BAZ2B: variants seen among roughly 807,000 people sequenced by gnomAD.
BAZ2B encodes the protein bromodomain adjacent to zinc finger domain 2B.
Under a neutral mutation model 246.0 loss-of-function variants are expected in BAZ2B, and 91 were observed. That is an observed-to-expected ratio of 0.37 (90% CI 0.31 to 0.44). The LOEUF (loss-of-function observed/expected upper bound fraction) is 0.44, where lower values mean the gene tolerates loss of function less well. Among genes scored for constraint, BAZ2B ranks in the 20% least tolerant of loss-of-function variants. The pLI is 1.00. For missense variants in BAZ2B, 2,332 were observed against 2,533.7 expected, an observed-to-expected ratio of 0.92 and a Z score of 1.71; for synonymous variants, 855 against 860.0, an observed-to-expected ratio of 0.99 and a Z score of 0.10.
chr2:159,359,690 G>A (rs561928891), intron 27 of BAZ2B, among the ~76,000 whole-genome samples: 148 of 152,204 alleles, frequency 9.7e-4, no homozygotes, highest in Non-Finnish European at 1.8e-3. Flanking sequence ...GATGAACATC[G>A]ATGCGAAAAT....
chr2:159,631,248 T>G, the BAZ2B span, among the ~76,000 whole-genome samples: 5 of 152,326 alleles, frequency 3.3e-5, no homozygotes, highest in African/African-American at 9.6e-5. Context: ...TTGGTGTTTT[T>G]GGGAAATTAA....
At chr2:159,564,762 G>A (rs947805162) in intron 1 of BAZ2B, among the ~76,000 whole-genome samples, 4 of 152,142 alleles carry the variant, frequency 2.6e-5, no homozygotes, top group African/African-American at 9.7e-5. Context: ...TCTTGACAAA[G>A]TTAAGTACTC....
At position 159,374,764 on chromosome 2, in the gene BAZ2B, G is replaced by C. The variant is rs1281401896; in HGVS notation, c.4006-11C>G. The C allele has an allele frequency of 1.9e-6, 3 of 1,605,726 alleles. No individual in the cohort carries two copies. In the African/African-American group the frequency reaches 4.0e-5, roughly 22 times the overall value. On this transcript the variant is annotated splice_polypyrimidine_tract_variant and intron_variant, in intron 25 of 36. Coordinates refer to ENST00000392783, the MANE Select transcript of BAZ2B (RefSeq NM_013450.4). ...TTGGTCACCTTCATCCTATACATAA[G>C]AAAATACAGTGTCATTTATCTGTTT... is the stretch of plus-strand genomic sequence containing the variant.
intron 1 of BAZ2B, among the ~76,000 whole-genome samples, chr2:159,587,204 G>C (rs958239009): frequency 5.3e-5 from 8 of 151,600 alleles, no homozygotes; most frequent in African/African-American, 1.9e-4. Flanking sequence ...TCAGCCTCCT[G>C]AGTAGCTGGG....
At chr2:159,423,040 G>T (rs2069063349) in intron 13 of BAZ2B, among the ~76,000 whole-genome samples, 1 of 152,110 alleles carries the variant, frequency 6.6e-6, no homozygotes, top group Non-Finnish European at 1.5e-5. Flanking sequence ...TGTTGGCCGG[G>T]TGTGGTGGCT....
At chr2:159,385,427 A>G (rs957509956) in intron 22 of BAZ2B, 58 bp from the exon 23 acceptor site, 1 of 1,410,604 alleles carries the variant, frequency 7.1e-7, no homozygotes, top group Non-Finnish European at 9.9e-7. Flanking sequence ...CCATAAAAAC[A>G]ATAAGATTAA....
chr2:159,462,023 T>C (rs1244901236), intron 3 of BAZ2B: 1 of 185,482 alleles, frequency 5.4e-6, no homozygotes, highest in African/African-American at 2.4e-5. Flanking sequence ...TCAGAAGTGC[T>C]TGGAAGGATA....
At chr2:159,586,368 C>T (rs921609010) in intron 1 of BAZ2B, among the ~76,000 whole-genome samples, 1 of 151,124 alleles carries the variant, frequency 6.6e-6, no homozygotes, top group Admixed American at 6.6e-5. Flanking sequence ...TAGATACAAA[C>T]CTGCTGAACA....
the BAZ2B span, among the ~76,000 whole-genome samples, chr2:159,656,347 A>G: frequency 6.6e-6 from 1 of 152,126 alleles, no homozygotes; most frequent in East Asian, 1.9e-4. Context: ...TATTAACTAA[A>G]GTTACAGATT....
chr2:159,509,243 C>CA (rs1423275525), intron 2 of BAZ2B, among the ~76,000 whole-genome samples: 1 of 151,880 alleles, frequency 6.6e-6, no homozygotes, highest in African/African-American at 2.4e-5. Context: ...TATTATAATG[C>CA]AAAAAAGGCA....
chr2:159,653,455 A>G, the BAZ2B span, among the ~76,000 whole-genome samples: 4 of 59,602 alleles, frequency 6.7e-5, no homozygotes, highest in African/African-American at 2.4e-4. Flanking sequence ...AATTCTTTCA[A>G]TAGAATATAT....
intron 26 of BAZ2B, among the ~76,000 whole-genome samples, chr2:159,373,423 GATAAA>G (rs891603479): frequency 5.9e-5 from 9 of 152,190 alleles, no homozygotes; most frequent in African/African-American, 1.7e-4. Flanking sequence ...TAAGCTACCT[GATAAA>G]ATAAAACTTA....
chr2:159,382,622 A>C lies in BAZ2B; in HGVS notation c.3942T>G (p.Asp1314Glu). ...CTTCTTTATCTTCTTCATCCTCATC[A>C]TCTTCATCCCCTTGGTCATCACTGT... is the stretch of plus-strand genomic sequence containing the variant. The part of the protein sequence containing the change: ...DDDSDDQGDE[D>E]DEDEEDKEDK... The change falls in exon 25 of 37, where the codon GAT becomes GAG. Residue 1314 changes from aspartate to glutamate, a missense_variant. Asp to Glu is a conservative substitution (Grantham distance 45). This residue lies in a region of BAZ2B where 676 missense variants were observed against 668.6 expected (regional missense o/e 1.01). Transcript: ENST00000392783. 6.4e-7 allele frequency: 1 copy of C among 1,569,104 alleles called. No individual in the cohort carries two copies. Among genetic ancestry groups the C allele is most frequent in the South Asian group, 1.1e-5 (1 of 87,008 alleles).
rs1302068981 is a variant in BAZ2B at position 159,391,993 on chromosome 2, C to CA, written c.3076-2509dup. The stretch of plus-strand genomic sequence containing the variant: ...AGAGCCAGAGCTTCCAAGGTCCCCT[C>CA]AACCACCAACTAATATTTATAATGG... On this transcript the variant is annotated intron_variant, in intron 20 of 36. Transcript: ENST00000392783. 3.3e-5 allele frequency: 5 copies of CA among 152,282 alleles called. No homozygotes were observed. The South Asian group carries it at 6.2e-4, about 19-fold the overall frequency. The allele number at this position is 152,282 out of a possible 1,614,324, so 9.4% of individuals were successfully genotyped here.
chr2:159,593,385 GA>G (rs912216161), intron 1 of BAZ2B, among the ~76,000 whole-genome samples: 2 of 151,740 alleles, frequency 1.3e-5, no homozygotes, highest in Non-Finnish European at 2.9e-5. Context: ...TTAACAAAGG[GA>G]AAAAAAAGAT....
At chr2:159,636,354 C>T in the BAZ2B span, among the ~76,000 whole-genome samples, 2 of 152,236 alleles carry the variant, frequency 1.3e-5, no homozygotes, top group Non-Finnish European at 2.9e-5. Context: ...GAGAAACTCT[C>T]ACCACTGTGG....
intron 2 of BAZ2B, among the ~76,000 whole-genome samples, chr2:159,515,642 A>G (rs1033063032): frequency 3.3e-5 from 5 of 152,136 alleles, no homozygotes; most frequent in African/African-American, 1.2e-4. Context: ...GCACTCACAC[A>G]GACAGTAGAC....
intron 27 of BAZ2B, among the ~76,000 whole-genome samples, chr2:159,369,142 CT>C (rs1489454386): frequency 1.3e-5 from 2 of 152,032 alleles, no homozygotes; most frequent in Non-Finnish European, 2.9e-5. Flanking sequence ...AAAAGGTCCA[CT>C]TAAATAAGCT....
At chr2:159,352,039 G>A (rs866567619) in intron 27 of BAZ2B, among the ~76,000 whole-genome samples, 9 of 152,008 alleles carry the variant, frequency 5.9e-5, no homozygotes, top group Non-Finnish European at 1.2e-4. Context: ...ACTTTTCTGC[G>A]GCTTAGAATA....
Sources: gnomAD v4.1 joint callset for allele counts (sites outside exome capture counted in the v4.1 genomes callset) on GRCh38, gnomAD v4.1.1 for gene constraint, gnomAD v4.1.1 regional missense constraint, MANE v1.5 for transcripts, NCBI Gene and HGNC (gene_info 2026-07-23, HGNC 2026-07-21) for gene names.